Variants in GOLPH3 observed in about 807,000 individuals in gnomAD.
The protein encoded by GOLPH3 is golgi phosphoprotein 3, also known as coat protein GPP34.
Under a neutral mutation model 28.5 loss-of-function variants are expected in GOLPH3, and 14 were observed. That is an observed-to-expected ratio of 0.49 (90% CI 0.32 to 0.77). GOLPH3 has a LOEUF of 0.77. Among genes scored for constraint, GOLPH3 ranks in the 30% least tolerant of loss-of-function variants. The pLI, the probability that GOLPH3 is intolerant of heterozygous loss-of-function variation, is 0.03. For missense variants in GOLPH3, 350 were observed against 393.7 expected (o/e 0.89, Z 0.94); for synonymous variants, 158 against 159.2 (o/e 0.99, Z 0.06).
chr5:32,150,981 T>A (rs186466314), intron 1 of GOLPH3, among the ~76,000 whole-genome samples: 3 of 152,146 alleles, frequency 2.0e-5, no homozygotes, highest in Non-Finnish European at 2.9e-5. Context: ...AAATTCCAGA[T>A]GGATCAGAGG....
chr5:32,156,832 G>A (rs1746440848), intron 1 of GOLPH3, among the ~76,000 whole-genome samples: 1 of 152,192 alleles, frequency 6.6e-6, no homozygotes, highest in Admixed American at 6.5e-5. Flanking sequence ...ACCTCCTGCT[G>A]TGCAACCTAG....
chr5:32,162,349 A>G (rs1746602954), intron 1 of GOLPH3, among the ~76,000 whole-genome samples: 2 of 148,776 alleles, frequency 1.3e-5, no homozygotes, highest in East Asian at 2.0e-4. Flanking sequence ...AAATTTAGCC[A>G]GGCGTGGTGG....
chr5:32,151,014 G>A (rs192399040), intron 1 of GOLPH3, among the ~76,000 whole-genome samples: 5 of 152,220 alleles, frequency 3.3e-5, no homozygotes, highest in Admixed American at 2.6e-4. Flanking sequence ...GTGAAATAAC[G>A]TAAGTACTAG....
At position 32,173,907 on chromosome 5, in the gene GOLPH3, C is replaced by A. The variant is rs761052999; in HGVS notation, c.128G>T (p.Arg43Leu). 4 of 1,510,966 alleles carry A rather than the reference C, an allele frequency of 2.6e-6. No individual in the cohort carries two copies. The highest frequency in any genetic ancestry group is 2.7e-5 in the East Asian group (1 of 36,364). 93.6% of individuals were successfully genotyped at this position (1,510,966 alleles called of 1,614,324 possible). A position where few individuals can be genotyped will look rare whatever the true frequency, so the allele number is the denominator to read the frequency against. The change falls in exon 1 of 4, where the codon CGC (arginine) becomes CTC (leucine). Residue 43 changes from arginine to leucine, a missense_variant. Physicochemically the swap from Arg to Leu is moderately radical, Grantham distance 102. Coordinates refer to ENST00000265070, the MANE Select transcript of GOLPH3 (RefSeq NM_022130.4). Reference sequence around the variant, plus strand: ...GTCGTCGTCGTCCTGCTCGTCGCGGCGGCTCTGCGCGTCGTCCTCGCTGCT... The same window carrying A: ...GTCGTCGTCGTCCTGCTCGTCGCGGAGGCTCTGCGCGTCGTCCTCGCTGCT... Reference protein sequence around the residue: ...AGSSEDDAQSRRDEQDDDDKG... With the variant: ...AGSSEDDAQSLRDEQDDDDKG...
At chr5:32,145,334 A>C (rs776813394) in intron 1 of GOLPH3, among the ~76,000 whole-genome samples, 3 of 152,218 alleles carry the variant, frequency 2.0e-5, no homozygotes, top group Non-Finnish European at 4.4e-5. Flanking sequence ...GAGTCACTTT[A>C]AACTTAGGGT....
intron 3 of GOLPH3, among the ~76,000 whole-genome samples, chr5:32,133,368 A>G (rs1334516094): frequency 6.6e-6 from 1 of 152,222 alleles, no homozygotes; most frequent in Non-Finnish European, 1.5e-5. Flanking sequence ...AATCTTTAAC[A>G]CTGTAACACA....
In GOLPH3 at chr5:32,174,092, C is replaced by G; in HGVS notation, c.-58G>C. ...GGGTCGCAGGACCGACCGGGTCGCC[C>G]TCCTCCTCCCCGCGCGGCCTCCGAT... On this transcript the variant is annotated 5_prime_UTR_variant, in exon 1 of 4. Coordinates refer to ENST00000265070, the MANE Select transcript of GOLPH3 (RefSeq NM_022130.4). 8.7e-7 allele frequency: 1 copy of G among 1,147,892 alleles called. No homozygotes were observed. Among genetic ancestry groups the G allele is most frequent in the Non-Finnish European group, 1.1e-6 (1 of 911,302 alleles). The allele number at this position is 1,147,892 out of a possible 1,614,324, so 71.1% of individuals were successfully genotyped here.
rs1261495726 is a variant in GOLPH3, at chr5:32,142,021, G to A, written c.357+1728C>T. On this transcript the variant is annotated intron_variant, in intron 2 of 3. Coordinates refer to ENST00000265070, the MANE Select transcript of GOLPH3 (RefSeq NM_022130.4). ...CCGAGACTGCAGCCTCTGCCCGGCCGCCACCCCGTCTGGGAAGTGAGGAGC... is the reference window on the plus strand; with the variant it reads ...CCGAGACTGCAGCCTCTGCCCGGCCACCACCCCGTCTGGGAAGTGAGGAGC... 7.2e-5 allele frequency among the ~76,000 whole-genome samples: 11 copies of A among 152,280 alleles called. No individual in the cohort carries two copies. The East Asian group carries it at 1.4e-3, about 19-fold the overall frequency.
rs181770506 is a variant in GOLPH3, at chr5:32,148,941, C to T, written c.226-5061G>A. Reference sequence around the variant, plus strand: ...AGTAAGCTGAGATCGCACCACTGCACCCCAGCCTGGGCAACAAGAGCGAAA... The same window carrying T: ...AGTAAGCTGAGATCGCACCACTGCATCCCAGCCTGGGCAACAAGAGCGAAA... On this transcript the variant is annotated intron_variant, in intron 1 of 3. Coordinates refer to ENST00000265070, the MANE Select transcript of GOLPH3 (RefSeq NM_022130.4). 3.8e-3 allele frequency among the ~76,000 whole-genome samples: 571 copies of T among 152,252 alleles called. 5 individuals are homozygous for T. Among genetic ancestry groups the T allele is most frequent in the Non-Finnish European group, 6.3e-3 (428 of 68,020 alleles).
chr5:32,142,224 G>A (rs989199812), intron 2 of GOLPH3, among the ~76,000 whole-genome samples: 6 of 146,672 alleles, frequency 4.1e-5, no homozygotes, highest in Admixed American at 1.4e-4. Context: ...GCCGCCCATC[G>A]TCTGAGATGC....
At chr5:32,130,892 T>C (rs1454536995) in intron 3 of GOLPH3, among the ~76,000 whole-genome samples, 1 of 152,256 alleles carries the variant, frequency 6.6e-6, no homozygotes, top group African/African-American at 2.4e-5. Context: ...ACATGCTTAG[T>C]AAATTTTACA....
intron 3 of GOLPH3, among the ~76,000 whole-genome samples, chr5:32,127,238 G>C (rs527325539): frequency 6.6e-5 from 10 of 152,170 alleles, no homozygotes; most frequent in East Asian, 5.8e-4. Flanking sequence ...CACTAAAGTG[G>C]GTTCTTCTTT....
intron 2 of GOLPH3, among the ~76,000 whole-genome samples, chr5:32,135,915 T>TC (rs1745922631): frequency 6.6e-6 from 1 of 152,138 alleles, no homozygotes; most frequent in African/African-American, 2.4e-5. Context: ...ACTCAGTAGC[T>TC]CATGCCTGAA....
chr5:32,164,927 T>C (rs1746676392), intron 1 of GOLPH3, among the ~76,000 whole-genome samples: 1 of 143,082 alleles, frequency 7.0e-6, no homozygotes, highest in African/African-American at 2.8e-5. Context: ...TTTGAGATAG[T>C]CTTGCTCTGT....
chr5:32,173,787 CG>C, intron 1 of GOLPH3, 22 bp downstream of exon 1: 1 of 1,349,604 alleles, frequency 7.4e-7, no homozygotes, highest in South Asian at 1.9e-5. Context: ...CGCCGCCCCC[CG>C]CCCAGCCCGC....
At chr5:32,133,801 A>G (rs1194645337) in intron 3 of GOLPH3, among the ~76,000 whole-genome samples, 1 of 152,220 alleles carries the variant, frequency 6.6e-6, no homozygotes, top group African/African-American at 2.4e-5. Context: ...TCAAATGGGC[A>G]AAGCAATTTT....
chr5:32,154,147 C>T (rs1164544768), intron 1 of GOLPH3, among the ~76,000 whole-genome samples: 1 of 151,830 alleles, frequency 6.6e-6, no homozygotes, highest in African/African-American at 2.4e-5. Flanking sequence ...TATAAAACCG[C>T]AAGTCATAAT....
At chr5:32,136,734 T>G (rs1745941041) in intron 2 of GOLPH3, among the ~76,000 whole-genome samples, 1 of 152,216 alleles carries the variant, frequency 6.6e-6, no homozygotes, top group African/African-American at 2.4e-5. Context: ...TGGAACATTC[T>G]GGATTTTAAA....
At chr5:32,142,848 G>A (rs1205768719) in intron 2 of GOLPH3, among the ~76,000 whole-genome samples, 7 of 143,666 alleles carry the variant, frequency 4.9e-5, no homozygotes, top group South Asian at 2.2e-4. Context: ...CCCCCCGCCC[G>A]GCCAGCCGCC....
Sources: allele counts gnomAD v4.1 joint callset (sites outside exome capture counted in the v4.1 genomes callset), GRCh38; gene constraint gnomAD v4.1.1; transcripts MANE v1.5; gene names NCBI Gene and HGNC (gene_info 2026-07-23, HGNC 2026-07-21).